The following IQSEC1 variants were observed in gnomAD, a reference collection of about 807,000 sequenced individuals.
IQSEC1 encodes IQ motif and Sec7 domain ArfGEF 1.
Under a neutral mutation model 91.0 loss-of-function variants are expected in IQSEC1, and 31 were observed. That is an observed-to-expected ratio of 0.34 (90% CI 0.26 to 0.46). The LOEUF (loss-of-function observed/expected upper bound fraction) is 0.46. IQSEC1 is among the 20% of genes least tolerant of loss of function. The pLI is 1.00. For missense variants in IQSEC1, 1,388 were observed against 1,575.6 expected, an observed-to-expected ratio of 0.88 and a Z score of 2.02; for synonymous variants, 699 against 662.6, an observed-to-expected ratio of 1.05 and a Z score of -0.84.
chr3:12,991,261 G>A lies in IQSEC1; in HGVS notation c.24-49396C>T, dbSNP rs117369017. Among the ~76,000 whole-genome samples, 47 of 152,316 alleles carry A rather than the reference G, an allele frequency of 3.1e-4. No homozygotes were observed. In the East Asian group the frequency reaches 8.7e-3, roughly 28 times the overall value. On this transcript the variant is annotated intron_variant, in intron 1 of 13. Coordinates refer to ENST00000613206, the MANE Select transcript of IQSEC1 (RefSeq NM_001134382.3). ...TGGATGAGGGTGATGAAGGATGAACGGAGTTTGCCAGATGGCAGGGGTGGG... is the reference window on the plus strand; with the variant it reads ...TGGATGAGGGTGATGAAGGATGAACAGAGTTTGCCAGATGGCAGGGGTGGG...
At chr3:12,911,606 G>GC in intron 10 of IQSEC1, 23 bp downstream of exon 10, 1 of 1,560,326 alleles carries the variant, frequency 6.4e-7, no homozygotes, top group Non-Finnish European at 8.8e-7. Context: ...GCTCTTCCAG[G>GC]CAGGCCCTGG....
Position 13,193,799 on chromosome 3 carries a change from G to T in IQSEC1, c.273-29666C>A, listed in dbSNP as rs892621312. Among the ~76,000 whole-genome samples the T allele has an allele frequency of 9.9e-5, 15 of 152,152 alleles. No individual in the cohort carries two copies. Among genetic ancestry groups the T allele is most frequent in the Non-Finnish European group, 1.9e-4 (13 of 68,030 alleles). On this transcript the variant is annotated intron_variant, in intron 1 of 15. Coordinates refer to the IQSEC1 transcript ENST00000648114. The surrounding 1 kb of genome is among the most constrained non-coding windows in gnomAD (Gnocchi z 4.2). ...GCCCCACACCCTCCTGCCTGCACCT[G>T]CTCACACCCAGACCTGGCCTGTGTG... is the stretch of plus-strand genomic sequence containing the variant.
chr3:12,953,992 C>T (rs1206999747), intron 1 of IQSEC1, among the ~76,000 whole-genome samples: 1 of 152,234 alleles, frequency 6.6e-6, no homozygotes, highest in African/African-American at 2.4e-5. Context: ...GGTCCTCAGA[C>T]ATGGCTGGTT....
rs1389253693 is a variant in IQSEC1, at chr3:12,900,975, C to T, written c.*8G>A. ...TTTCAGGGAGCCTGGGACCCCTACC[C>T]AGGCTGTCTACACAATTGTGCTGAT... On this transcript the variant is annotated 3_prime_UTR_variant, in exon 14 of 14. Transcript: ENST00000613206. The T allele has an allele frequency of 1.3e-6, 2 of 1,543,094 alleles. No homozygotes were observed. Among genetic ancestry groups the T allele is most frequent in the Non-Finnish European group, 1.7e-6 (2 of 1,146,780 alleles).
intron 1 of IQSEC1, among the ~76,000 whole-genome samples, chr3:13,177,573 C>CCAT (rs1693759536): frequency 8.0e-5 from 1 of 12,554 alleles, no homozygotes; most frequent in Non-Finnish European, 1.6e-4. Context: ...CCCCCATTCC[C>CCAT]CATCCCTGTG....
Position 12,911,377 on chromosome 3 carries a change from G to C in IQSEC1, c.2416+252C>G, listed in dbSNP as rs140894865. On this transcript the variant is annotated intron_variant, in intron 10 of 13. Transcript: ENST00000613206. ...CATAAATTTAAAAATCTTATCACCT[G>C]CAAGAAACGAAGTACCAGTAAAAGC... 1.3e-5 allele frequency among the ~76,000 whole-genome samples: 2 copies of C among 152,186 alleles called. 1 individual carries two copies. The highest frequency in any genetic ancestry group is 1.3e-4 in the Admixed American group (2 of 15,268).
chr3:13,273,205 C>T (rs1258355998), intron 1 of IQSEC1, among the ~76,000 whole-genome samples: 1 of 152,144 alleles, frequency 6.6e-6, no homozygotes, highest in Non-Finnish European at 1.5e-5. Flanking sequence ...TGGCCTGGCC[C>T]CAGAGTCTGT....
At chr3:13,192,958 G>A (rs1230619230) in intron 1 of IQSEC1, among the ~76,000 whole-genome samples, 4 of 152,214 alleles carry the variant, frequency 2.6e-5, no homozygotes, top group Admixed American at 1.3e-4. Flanking sequence ...GAGGCCTCAC[G>A]CTGGCATCCA....
chr3:13,242,126 CTG>C (rs565803610), intron 1 of IQSEC1, among the ~76,000 whole-genome samples: 110 of 152,306 alleles, frequency 7.2e-4, no homozygotes, highest in African/African-American at 2.6e-3. Context: ...GCCACCTTCA[CTG>C]TGAGAGCCCC....
chr3:12,988,069 A>G (rs540032522), intron 1 of IQSEC1, among the ~76,000 whole-genome samples: 1 of 152,356 alleles, frequency 6.6e-6, no homozygotes, highest in African/African-American at 2.4e-5. Context: ...GGTCCATCAC[A>G]GTAGACTGCA....
intron 12 of IQSEC1, among the ~76,000 whole-genome samples, chr3:12,904,724 G>A (rs1238604837): frequency 6.6e-6 from 1 of 152,178 alleles, no homozygotes. Flanking sequence ...CCTAACGCCT[G>A]GGACTCCTCT....
In IQSEC1 at chr3:13,262,683, G is replaced by A. The variant is rs974384348; in HGVS notation, c.272+20028C>T. Among the ~76,000 whole-genome samples, 7 of 152,328 alleles carry A rather than the reference G, an allele frequency of 4.6e-5. 1 individual carries two copies. In the South Asian group the frequency reaches 1.2e-3, roughly 27 times the overall value. ...CCCAACTGTGCAGCAACAGATGACC[G>A]GATAAACAAATGTGGTCTGTCCACA... On this transcript the variant is annotated intron_variant, in intron 1 of 15. Coordinates refer to the IQSEC1 transcript ENST00000648114.
intron 1 of IQSEC1, among the ~76,000 whole-genome samples, chr3:13,237,973 A>G (rs1694960275): frequency 6.6e-6 from 1 of 152,192 alleles, no homozygotes; most frequent in Admixed American, 6.5e-5. Flanking sequence ...TTAGGCCTGC[A>G]TGGGGGACTG....
chr3:12,929,356 G>A (rs891096334), intron 3 of IQSEC1, among the ~76,000 whole-genome samples: 7 of 152,162 alleles, frequency 4.6e-5, no homozygotes, highest in African/African-American at 7.2e-5. Flanking sequence ...GGACGGCATC[G>A]ACTTCAGCTG....
At chr3:13,181,430 C>T (rs576620613) in intron 1 of IQSEC1, among the ~76,000 whole-genome samples, 1 of 152,378 alleles carries the variant, frequency 6.6e-6, no homozygotes, top group East Asian at 1.9e-4. Context: ...CTAAACAACA[C>T]TGCCAACCAA....
At chr3:13,066,009 C>G (rs796659036) in intron 1 of IQSEC1, among the ~76,000 whole-genome samples, 1 of 152,212 alleles carries the variant, frequency 6.6e-6, no homozygotes, top group Non-Finnish European at 1.5e-5. Context: ...TGATTCCACT[C>G]ACATGACATC....
chr3:13,097,073 G>T (rs893957623), intron 2 of IQSEC1, among the ~76,000 whole-genome samples: 2 of 152,062 alleles, frequency 1.3e-5, no homozygotes, highest in African/African-American at 2.4e-5. Flanking sequence ...TGTTAGCCAG[G>T]ATGGTCTCAA....
chr3:13,151,713 C>T (rs953886014), intron 2 of IQSEC1, among the ~76,000 whole-genome samples: 1 of 152,192 alleles, frequency 6.6e-6, no homozygotes. Context: ...TGCCTGTAAT[C>T]CCAGCACTTT....
chr3:12,980,352 G>A (rs1393606118), intron 1 of IQSEC1, among the ~76,000 whole-genome samples: 3 of 152,172 alleles, frequency 2.0e-5, no homozygotes, highest in African/African-American at 4.8e-5. Context: ...CTGACCCCAC[G>A]AACTAAAAGT....
Sources: gnomAD v4.1 joint callset for allele counts (sites outside exome capture counted in the v4.1 genomes callset) on GRCh38, gnomAD v4.1.1 for gene constraint, Gnocchi (gnomAD v3.1) non-coding constraint, MANE v1.5 for transcripts, NCBI Gene and HGNC (gene_info 2026-07-23, HGNC 2026-07-21) for gene names.